The following BRINP3 variants were observed in gnomAD, a reference collection of about 807,000 sequenced individuals.
The protein encoded by BRINP3 is BMP/retinoic acid-inducible neural-specific protein 3.
BRINP3 carries 19 observed loss-of-function variants against 71.0 expected under a neutral mutation model. The observed-to-expected ratio is 0.27, with a 90% CI of 0.19 to 0.39. The LOEUF (loss-of-function observed/expected upper bound fraction) is 0.39, where lower values mean the gene tolerates loss of function less well. Among genes scored for constraint, BRINP3 ranks in the 10% least tolerant of loss-of-function variants. The pLI, the probability that BRINP3 is intolerant of heterozygous loss-of-function variation, is 1.00. For missense variants in BRINP3, 959 were observed against 940.8 expected (o/e 1.02, Z -0.25); for synonymous variants, 380 against 337.7 (o/e 1.13, Z -1.37).
At chr1:190,154,900 G>A (rs1251870628) in intron 7 of BRINP3, among the ~76,000 whole-genome samples, 2 of 152,060 alleles carry the variant, frequency 1.3e-5, no homozygotes, top group Non-Finnish European at 2.9e-5. Context: ...TGGTGGATCT[G>A]TTATCAAAAC....
At chr1:190,397,193 C>G (rs562740420) in intron 2 of BRINP3, among the ~76,000 whole-genome samples, 1 of 152,066 alleles carries the variant, frequency 6.6e-6, no homozygotes, top group Non-Finnish European at 1.5e-5. Context: ...ACCTACTTAG[C>G]AAGTGGGGAC....
At chr1:190,360,948 T>C (rs1669104124) in intron 2 of BRINP3, among the ~76,000 whole-genome samples, 1 of 151,812 alleles carries the variant, frequency 6.6e-6, no homozygotes, top group East Asian at 1.9e-4. Flanking sequence ...TCTGGAAGAG[T>C]AGTCAGGGAA....
chr1:190,465,965 A>G (rs974649315), intron 1 of BRINP3, among the ~76,000 whole-genome samples: 1 of 151,900 alleles, frequency 6.6e-6, no homozygotes. Context: ...ATGACTGGCA[A>G]CATGATTTTG....
intron 2 of BRINP3, among the ~76,000 whole-genome samples, chr1:190,295,778 C>A (rs1319449735): frequency 6.6e-6 from 1 of 152,010 alleles, no homozygotes; most frequent in Non-Finnish European, 1.5e-5. Context: ...CTTTCCCTCC[C>A]CAAGCAGCCA....
intron 7 of BRINP3, among the ~76,000 whole-genome samples, chr1:190,104,752 G>T (rs187290623): frequency 9.1e-4 from 138 of 152,046 alleles, no homozygotes; most frequent in Non-Finnish European, 1.6e-3. Flanking sequence ...TTTCACTGAA[G>T]TATTAGAACA....
At chr1:190,157,095 G>A (rs1001682125) in intron 7 of BRINP3, among the ~76,000 whole-genome samples, 5 of 151,372 alleles carry the variant, frequency 3.3e-5, no homozygotes, top group Non-Finnish European at 7.4e-5. Context: ...TATCCCAAGA[G>A]GATTGGTTCC....
At chr1:190,327,934 T>A (rs1159379355) in intron 2 of BRINP3, among the ~76,000 whole-genome samples, 1 of 151,984 alleles carries the variant, frequency 6.6e-6, no homozygotes, top group African/African-American at 2.4e-5. Context: ...TCAAAAAAAA[T>A]CAAAATCATA....
chr1:190,387,863 T>A (rs973961015), intron 2 of BRINP3, among the ~76,000 whole-genome samples: 1 of 151,848 alleles, frequency 6.6e-6, no homozygotes, highest in African/African-American at 2.4e-5. Flanking sequence ...TGAATTTTAT[T>A]CTTGAATATC....
intron 4 of BRINP3, among the ~76,000 whole-genome samples, chr1:190,241,122 A>G (rs1055766971): frequency 3.3e-5 from 5 of 152,002 alleles, no homozygotes; most frequent in Non-Finnish European, 5.9e-5. Flanking sequence ...GTGGATAAAT[A>G]TTTTAATTTT....
intron 2 of BRINP3, among the ~76,000 whole-genome samples, chr1:190,384,034 T>C (rs747647985): frequency 6.6e-6 from 1 of 151,846 alleles, no homozygotes; most frequent in Non-Finnish European, 1.5e-5. Flanking sequence ...AAACACACAT[T>C]AATAATGTGG....
At chr1:190,152,186 C>T (rs1214830631) in intron 7 of BRINP3, among the ~76,000 whole-genome samples, 1 of 151,824 alleles carries the variant, frequency 6.6e-6, no homozygotes, top group Admixed American at 6.6e-5. Flanking sequence ...AGATTGTTGT[C>T]AGTAAAATTA....
intron 7 of BRINP3, among the ~76,000 whole-genome samples, chr1:190,106,556 GT>G (rs1256696786): frequency 6.6e-6 from 1 of 151,362 alleles, no homozygotes; most frequent in Non-Finnish European, 1.5e-5. Flanking sequence ...ATATAAATTT[GT>G]TATGAATAAA....
chr1:190,365,290 T>A (rs1437728015), intron 2 of BRINP3, among the ~76,000 whole-genome samples: 2 of 151,942 alleles, frequency 1.3e-5, no homozygotes, highest in African/African-American at 4.8e-5. Flanking sequence ...AAAAGAGGCA[T>A]TGTGTTCAGT....
chr1:190,365,420 C>A (rs559424981), intron 2 of BRINP3, among the ~76,000 whole-genome samples: 31 of 151,386 alleles, frequency 2.0e-4, no homozygotes, highest in African/African-American at 6.3e-4. Context: ...TAGACAGAAT[C>A]CCAGCTGTCA....
chr1:190,441,853 T>C (rs1409088367), intron 2 of BRINP3, among the ~76,000 whole-genome samples: 1 of 151,984 alleles, frequency 6.6e-6, no homozygotes, highest in Admixed American at 6.6e-5. Context: ...AGAGATAGAA[T>C]TGGGATAGGA....
At chr1:190,362,545 T>C (rs190146936) in intron 2 of BRINP3, among the ~76,000 whole-genome samples, 1 of 152,304 alleles carries the variant, frequency 6.6e-6, no homozygotes, top group East Asian at 1.9e-4. Flanking sequence ...GGCAAAATTC[T>C]AAGATGGCCT....
intron 7 of BRINP3, among the ~76,000 whole-genome samples, chr1:190,120,880 C>A (rs1253141999): frequency 6.6e-6 from 1 of 151,908 alleles, no homozygotes; most frequent in Admixed American, 6.6e-5. Flanking sequence ...TTTAAACATA[C>A]GATTTGAATT....
At chr1:190,351,854 T>C (rs537087731) in intron 2 of BRINP3, among the ~76,000 whole-genome samples, 37 of 152,198 alleles carry the variant, frequency 2.4e-4, no homozygotes, top group African/African-American at 8.4e-4. Flanking sequence ...GTATAAGTAA[T>C]TTTTTGTAAA....
intron 6 of BRINP3, among the ~76,000 whole-genome samples, chr1:190,201,977 G>A (rs1186462291): frequency 2.6e-5 from 4 of 152,128 alleles, no homozygotes; most frequent in African/African-American, 9.6e-5. Context: ...CCCTACTGAG[G>A]CATCACCTAG....
Sources: gnomAD v4.1 joint callset for allele counts (sites outside exome capture counted in the v4.1 genomes callset) on GRCh38, gnomAD v4.1.1 for gene constraint, MANE v1.5 for transcripts, NCBI Gene and HGNC (gene_info 2026-07-23, HGNC 2026-07-21) for gene names.